TBC1D5: variants seen among roughly 807,000 people sequenced by gnomAD.
TBC1D5 encodes the protein TBC1 domain family, member 5.
In TBC1D5, 75 loss-of-function variants were observed where a neutral mutation model predicts 100.3. The ratio of observed to expected loss-of-function variants is 0.75; its 90% confidence interval spans 0.62 to 0.91. TBC1D5 has a LOEUF of 0.91. Among genes scored for constraint, TBC1D5 ranks in the 40% least tolerant of loss-of-function variants. The pLI is 0.00. For missense variants in TBC1D5, 910 were observed against 942.4 expected, an observed-to-expected ratio of 0.97 and a Z score of 0.45; for synonymous variants, 323 against 325.6, an observed-to-expected ratio of 0.99 and a Z score of 0.09.
chr3:17,737,960 T>C (rs1182205835), intron 1 of TBC1D5, among the ~76,000 whole-genome samples: 1 of 152,182 alleles, frequency 6.6e-6, no homozygotes, highest in African/African-American at 2.4e-5. Flanking sequence ...CTGAATGACA[T>C]TATCTTTAGA....
intron 1 of TBC1D5, among the ~76,000 whole-genome samples, chr3:17,715,532 T>C (rs9681893): frequency 6.6e-6 from 1 of 151,998 alleles, no homozygotes; most frequent in African/African-American, 2.4e-5. Context: ...AGGCCAGGCA[T>C]GGTGGCTCAC....
chr3:17,457,864 T>C (rs992042843), intron 3 of TBC1D5, among the ~76,000 whole-genome samples: 4 of 152,198 alleles, frequency 2.6e-5, no homozygotes, highest in Non-Finnish European at 5.9e-5. Context: ...TGCATCAACA[T>C]AATTAGAAAG....
At chr3:17,269,525 T>C (rs2079169819) in intron 15 of TBC1D5, among the ~76,000 whole-genome samples, 1 of 152,126 alleles carries the variant, frequency 6.6e-6, no homozygotes, top group South Asian at 2.1e-4. Flanking sequence ...GGGGTACATG[T>C]ACAGGTTTGT....
intron 3 of TBC1D5, among the ~76,000 whole-genome samples, chr3:17,442,340 A>G (rs997542166): frequency 3.3e-5 from 5 of 152,204 alleles, no homozygotes; most frequent in Non-Finnish European, 5.9e-5. Context: ...AACTCTTAAT[A>G]AGGCTACCCT....
At chr3:17,521,514 T>G (rs1211675802) in intron 2 of TBC1D5, among the ~76,000 whole-genome samples, 1 of 152,202 alleles carries the variant, frequency 6.6e-6, no homozygotes, top group Non-Finnish European at 1.5e-5. Flanking sequence ...TGGTCAACAG[T>G]AGGCTATCAG....
chr3:17,676,689 G>A lies in TBC1D5; in HGVS notation c.-100-52776C>T, dbSNP rs536547692. Among the ~76,000 whole-genome samples the A allele has an allele frequency of 1.6e-4, 24 of 152,276 alleles. No individual in the cohort carries two copies. The South Asian group carries it at 4.8e-3, about 30-fold the overall frequency. On this transcript the variant is annotated intron_variant, in intron 1 of 21. Coordinates refer to ENST00000253692, the Ensembl canonical transcript of TBC1D5. ...ATGGAACCAAAAAAGAGCCCGCATT[G>A]CCAAGACAATCCTAAGCAAAAAGCA...
intron 2 of TBC1D5, among the ~76,000 whole-genome samples, chr3:17,526,987 T>C (rs1345888962): frequency 6.6e-6 from 1 of 152,212 alleles, no homozygotes; most frequent in African/African-American, 2.4e-5. Flanking sequence ...TACATTCAAC[T>C]TAGTACTTAT....
At chr3:17,497,056 CCTCT>C (rs562100009) in intron 3 of TBC1D5, among the ~76,000 whole-genome samples, 282 of 145,722 alleles carry the variant, frequency 1.9e-3, no homozygotes, top group Non-Finnish European at 2.2e-3. Context: ...TAGACAGATG[CCTCT>C]CTCTCTCTTT....
intron 3 of TBC1D5, among the ~76,000 whole-genome samples, chr3:17,453,223 C>T (rs1327394879): frequency 2.0e-5 from 3 of 150,904 alleles, no homozygotes; most frequent in Non-Finnish European, 4.4e-5. Flanking sequence ...AGAAAAATTC[C>T]AAATAGTTAA....
intron 13 of TBC1D5, among the ~76,000 whole-genome samples, chr3:17,356,407 G>C (rs567960649): frequency 2.6e-5 from 4 of 152,206 alleles, no homozygotes; most frequent in African/African-American, 9.6e-5. Context: ...TAAGAAGAAT[G>C]TTCCCTGCTC....
intron 15 of TBC1D5, among the ~76,000 whole-genome samples, chr3:17,282,759 T>C (rs1426856732): frequency 1.3e-5 from 2 of 152,230 alleles, no homozygotes; most frequent in African/African-American, 2.4e-5. Context: ...TAAAGCTAAA[T>C]AAAGATCACT....
At chr3:17,209,104 T>C (rs2072617400) in intron 18 of TBC1D5, among the ~76,000 whole-genome samples, 1 of 152,210 alleles carries the variant, frequency 6.6e-6, no homozygotes, top group Non-Finnish European at 1.5e-5. Flanking sequence ...TAAATTCTTT[T>C]ACCCATTTTG....
chr3:17,659,513 G>T (rs6792422), intron 1 of TBC1D5, among the ~76,000 whole-genome samples: 89,171 of 151,842 alleles, frequency 0.59, 26,867 homozygotes, highest in East Asian at 0.99. Flanking sequence ...TGCTAGTTGC[G>T]TATCAACCTA....
chr3:17,393,891 T>C (rs1422565396), intron 8 of TBC1D5, among the ~76,000 whole-genome samples: 1 of 152,042 alleles, frequency 6.6e-6, no homozygotes, highest in African/African-American at 2.4e-5. Flanking sequence ...ACCTAGGCAA[T>C]ACCATTCAGG....
At chr3:17,667,462 CTTTTTCT>C (rs2067394950) in intron 1 of TBC1D5, among the ~76,000 whole-genome samples, 1 of 151,670 alleles carries the variant, frequency 6.6e-6, no homozygotes, top group African/African-American at 2.4e-5. Flanking sequence ...AATTTTTTTT[CTTTTTCT>C]TTTTTCTTTT....
intron 9 of TBC1D5, among the ~76,000 whole-genome samples, chr3:17,380,813 T>C (rs2092916953): frequency 6.6e-6 from 1 of 152,100 alleles, no homozygotes; most frequent in South Asian, 2.1e-4. Flanking sequence ...ATACCATTTA[T>C]ATAATCTCTG....
intron 1 of TBC1D5, among the ~76,000 whole-genome samples, chr3:17,719,555 A>G (rs1408130051): frequency 6.6e-6 from 1 of 152,178 alleles, no homozygotes; most frequent in East Asian, 1.9e-4. Context: ...GAAAGGTCAA[A>G]CTACAGCACT....
intron 17 of TBC1D5, among the ~76,000 whole-genome samples, chr3:17,225,095 G>A (rs2074705642): frequency 6.6e-6 from 1 of 152,124 alleles, no homozygotes; most frequent in African/African-American, 2.4e-5. Context: ...TACCGTCCAT[G>A]TTCCACACCT....
At chr3:17,404,504 T>C (rs1271325197) in intron 7 of TBC1D5, among the ~76,000 whole-genome samples, 190 bp downstream of exon 7, 1 of 152,064 alleles carries the variant, frequency 6.6e-6, no homozygotes, top group Admixed American at 6.6e-5. Flanking sequence ...AAATAGATCA[T>C]AAATTTTCTA....
Sources: allele counts gnomAD v4.1 joint callset (sites outside exome capture counted in the v4.1 genomes callset), GRCh38; gene constraint gnomAD v4.1.1; transcripts MANE v1.5; gene names NCBI Gene and HGNC (gene_info 2026-07-23, HGNC 2026-07-21).